Variants in PPFIBP2 observed in about 807,000 individuals in gnomAD.
The protein encoded by PPFIBP2 is liprin-beta-2.
A neutral mutation model predicts 118.3 loss-of-function variants in PPFIBP2; 118 were observed. The ratio of observed to expected loss-of-function variants is 1.00; its 90% CI spans 0.86 to 1.16. The LOEUF (loss-of-function observed/expected upper bound fraction) is 1.16. Among genes scored for constraint, PPFIBP2 ranks in the 50% most tolerant of loss-of-function variants. The pLI is 0.00. For synonymous variants in PPFIBP2, 414 were observed against 397.4 expected, an observed-to-expected ratio of 1.04 and a Z score of -0.50; for missense variants, 1,195 against 1,073.1, an observed-to-expected ratio of 1.11 and a Z score of -1.59.
intron 2 of PPFIBP2, among the ~76,000 whole-genome samples, chr11:7,559,092 G>T (rs1020278843): frequency 7.0e-4 from 106 of 152,318 alleles, no homozygotes; most frequent in African/African-American, 2.5e-3. Context: ...AATGTGCATT[G>T]AAAGTTGAAA....
chr11:7,561,570 CTA>C (rs1854301285), intron 2 of PPFIBP2, among the ~76,000 whole-genome samples: 10 of 152,042 alleles, frequency 6.6e-5, no homozygotes, highest in Admixed American at 6.6e-4. Flanking sequence ...CTTTGTCTGT[CTA>C]AATTTTATTT....
chr11:7,534,800 T>A (rs1851055241), intron 1 of PPFIBP2, among the ~76,000 whole-genome samples: 2 of 152,236 alleles, frequency 1.3e-5, no homozygotes, highest in Non-Finnish European at 2.9e-5. Context: ...TAATTTACTC[T>A]GGCAGGCATT....
At chr11:7,516,050 A>G (rs1400869767) in intron 1 of PPFIBP2, among the ~76,000 whole-genome samples, 2 of 152,214 alleles carry the variant, frequency 1.3e-5, no homozygotes, top group Non-Finnish European at 2.9e-5. Context: ...GCAGTTTGCA[A>G]ACCTGGCTAT....
In PPFIBP2 at chr11:7,615,389, G is replaced by C. The variant is rs193069107; in HGVS notation, c.618+4967G>C. Reference sequence around the variant, plus strand: ...GCTAAGTTGAAATGCCAAGCCTGTGGACAGACATACCAGAAAACAATGACA... The same window carrying C: ...GCTAAGTTGAAATGCCAAGCCTGTGCACAGACATACCAGAAAACAATGACA... On this transcript the variant is annotated intron_variant, in intron 6 of 23. Coordinates refer to ENST00000299492, the MANE Select transcript of PPFIBP2 (RefSeq NM_003621.5). Among the ~76,000 whole-genome samples, 8 of 151,954 alleles carry C rather than the reference G, an allele frequency of 5.3e-5. No individual in the cohort carries two copies. In the East Asian group the frequency reaches 1.4e-3, roughly 26 times the overall value.
chr11:7,547,581 A>G (rs1463111985), intron 1 of PPFIBP2, among the ~76,000 whole-genome samples: 1 of 152,114 alleles, frequency 6.6e-6, no homozygotes, highest in Non-Finnish European at 1.5e-5. Context: ...TATCCTGGCC[A>G]AAGCTGGCCT....
rs1410945265 is a variant in PPFIBP2, at chr11:7,621,016, A to C, written c.700A>C (p.Lys234Gln). The C allele has an allele frequency of 6.2e-7, 1 of 1,606,304 alleles. No individual in the cohort carries two copies. Among genetic ancestry groups the C allele is most frequent in the Non-Finnish European group, 8.5e-7 (1 of 1,172,814 alleles). ...NERNQYEWKL[K>Q]ATKAEVAQLQ... is the part of the protein sequence containing the mutation. The stretch of plus-strand genomic sequence containing the variant: ...AAGGAATCAGTATGAATGGAAGCTA[A>C]AGGCCACTAAGGTAAACGGCACTCC... The change falls in exon 7 of 24, where the codon AAG becomes CAG. Residue 234 changes from lysine to glutamine, a missense_variant. Lys to Gln is a moderately conservative substitution (Grantham distance 53, BLOSUM62 1). Transcript: ENST00000299492.
chr11:7,605,081 G>A (rs1405258164), intron 5 of PPFIBP2, among the ~76,000 whole-genome samples: 1 of 152,200 alleles, frequency 6.6e-6, no homozygotes, highest in Non-Finnish European at 1.5e-5. Flanking sequence ...CCTTTGATGG[G>A]TACTTTTTAT....
At chr11:7,660,021 T>C (rs796624116), downstream of PPFIBP2, among the ~76,000 whole-genome samples, 33,272 of 123,212 alleles carry the variant, frequency 0.27, 9,661 homozygotes, top group Middle Eastern at 0.33. Context: ...TTTGCTGAAG[T>C]TGCTTATCAG....
chr11:7,534,980 C>T (rs1851069939), intron 1 of PPFIBP2, among the ~76,000 whole-genome samples: 1 of 152,244 alleles, frequency 6.6e-6, no homozygotes, highest in South Asian at 2.1e-4. Context: ...GATGGGACCT[C>T]ATAGGCTCTT....
intron 6 of PPFIBP2, among the ~76,000 whole-genome samples, chr11:7,619,219 A>G (rs1265998621): frequency 2.0e-5 from 3 of 152,238 alleles, no homozygotes; most frequent in African/African-American, 7.2e-5. Flanking sequence ...ATTATGTAGG[A>G]GGTACACAGA....
chr11:7,566,886 A>C (rs1211353539), intron 3 of PPFIBP2, among the ~76,000 whole-genome samples: 2 of 152,204 alleles, frequency 1.3e-5, no homozygotes. Flanking sequence ...CTGTACACCC[A>C]GAAATCACCT....
At chr11:7,526,356 G>T (rs61890184) in intron 1 of PPFIBP2, among the ~76,000 whole-genome samples, 1 of 152,044 alleles carries the variant, frequency 6.6e-6, no homozygotes. Flanking sequence ...AAGTGGGATC[G>T]AGAAATAATA....
At chr11:7,607,142 C>T (rs1376837513) in intron 5 of PPFIBP2, among the ~76,000 whole-genome samples, 1 of 150,240 alleles carries the variant, frequency 6.7e-6, no homozygotes, top group African/African-American at 2.4e-5. Context: ...AATCTCCTGA[C>T]CTCGTGATCC....
At chr11:7,543,159 A>G (rs1851963129) in intron 1 of PPFIBP2, among the ~76,000 whole-genome samples, 1 of 152,248 alleles carries the variant, frequency 6.6e-6, no homozygotes, top group Non-Finnish European at 1.5e-5. Context: ...TGGATGCTCC[A>G]AATGGCTTCT....
At chr11:7,621,343 T>C (rs1320850793) in intron 7 of PPFIBP2, among the ~76,000 whole-genome samples, 2 of 152,194 alleles carry the variant, frequency 1.3e-5, no homozygotes, top group African/African-American at 2.4e-5. Context: ...TGGCAGGCAG[T>C]GAATCATGCG....
chr11:7,523,029 T>C (rs1351462898), intron 1 of PPFIBP2, among the ~76,000 whole-genome samples: 2 of 152,004 alleles, frequency 1.3e-5, no homozygotes, highest in Non-Finnish European at 2.9e-5. Flanking sequence ...AACAGCTAGC[T>C]AGGGAAGGCA....
At chr11:7,519,249 G>A (rs1849514662) in intron 1 of PPFIBP2, among the ~76,000 whole-genome samples, 1 of 152,148 alleles carries the variant, frequency 6.6e-6, no homozygotes, top group Non-Finnish European at 1.5e-5. Flanking sequence ...GGAATGGACA[G>A]CAGTCTGCTG....
At chr11:7,638,543 T>C (rs1288636668) in intron 14 of PPFIBP2, among the ~76,000 whole-genome samples, 1 of 152,210 alleles carries the variant, frequency 6.6e-6, no homozygotes, top group African/African-American at 2.4e-5. Context: ...GGAAATATAT[T>C]GGATATTTGG....
chr11:7,544,772 TAAAAAAAAAAA>T (rs1194860244), intron 1 of PPFIBP2, among the ~76,000 whole-genome samples: 1 of 86,144 alleles, frequency 1.2e-5, no homozygotes, highest in Admixed American at 1.4e-4. Flanking sequence ...AGACTCCATC[TAAAAAAAAAAA>T]AAAAAAAAAA....
Sources: allele counts gnomAD v4.1 joint callset (sites outside exome capture counted in the v4.1 genomes callset), GRCh38; gene constraint gnomAD v4.1.1; transcripts MANE v1.5; gene names NCBI Gene and HGNC (gene_info 2026-07-23, HGNC 2026-07-21).